The following PDZRN4 variants were observed in gnomAD, a reference collection of about 807,000 sequenced individuals.
The protein encoded by PDZRN4 is PDZ domain containing ring finger 4, also known as PDZ domain-containing RING finger protein 4.
A neutral mutation model predicts 99.0 loss-of-function variants in PDZRN4; 70 were observed. That is an observed-to-expected ratio of 0.71 (90% CI 0.58 to 0.86). The LOEUF is 0.86. Among genes scored for constraint, PDZRN4 ranks in the 40% least tolerant of loss-of-function variants. PDZRN4 has a pLI of 0.00. For missense variants in PDZRN4, 1,474 were observed against 1,331.2 expected (o/e 1.11, Z -1.67); for synonymous variants, 551 against 501.6 (o/e 1.10, Z -1.32).
chr12:41,501,101 T>C (rs1325034186), intron 3 of PDZRN4, among the ~76,000 whole-genome samples: 3 of 152,160 alleles, frequency 2.0e-5, no homozygotes, highest in African/African-American at 7.2e-5. Flanking sequence ...AATTCGGTTA[T>C]ATCAATTGTC....
intron 3 of PDZRN4, among the ~76,000 whole-genome samples, chr12:41,223,037 T>G (rs563816558): frequency 9.8e-4 from 149 of 152,266 alleles, no homozygotes; most frequent in Admixed American, 1.7e-3. Context: ...CAAAAGTAAT[T>G]GCCGTGTTTG....
chr12:41,330,129 TTA>T (rs1951733249), intron 3 of PDZRN4, among the ~76,000 whole-genome samples: 2 of 152,132 alleles, frequency 1.3e-5, no homozygotes, highest in African/African-American at 2.4e-5. Context: ...TTAAAAAATT[TTA>T]TGTTACTTTT....
intron 3 of PDZRN4, among the ~76,000 whole-genome samples, chr12:41,417,798 A>G (rs970650627): frequency 5.3e-5 from 8 of 152,208 alleles, no homozygotes; most frequent in Non-Finnish European, 7.3e-5. Context: ...TGGCAAGACT[A>G]TACAGTGTAT....
At chr12:41,344,558 AAAC>A (rs1205146292) in intron 3 of PDZRN4, among the ~76,000 whole-genome samples, 1 of 151,918 alleles carries the variant, frequency 6.6e-6, no homozygotes, top group Non-Finnish European at 1.5e-5. Flanking sequence ...AAAAAAGAAA[AAAC>A]AACTTTCTTG....
Position 41,567,857 on chromosome 12 carries a change from G to C in PDZRN4, c.1542G>C (p.Glu514Asp). Reference protein sequence around the residue: ...EELNLEMLEEEHNEAMQPTAN... With the variant: ...EELNLEMLEEDHNEAMQPTAN... Reference sequence around the variant, plus strand: ...TAAACTTGGAGATGTTGGAAGAAGAGCATAATGAAGCAATGCAGCCCACTG... The same window carrying C: ...TAAACTTGGAGATGTTGGAAGAAGACCATAATGAAGCAATGCAGCCCACTG... Residue 514 changes from glutamate to aspartate, a missense_variant, in exon 9 of 10, where the codon GAG (glutamate) becomes GAC (aspartate). By Grantham distance (45) the Glu-to-Asp change is conservative. Coordinates refer to ENST00000402685, the MANE Select transcript of PDZRN4 (RefSeq NM_001164595.2). 3.7e-6 allele frequency: 6 copies of C among 1,613,314 alleles called. No individual in the cohort carries two copies. The highest frequency in any genetic ancestry group is 5.1e-6 in the Non-Finnish European group (6 of 1,179,452).
At chr12:41,525,607 C>T (rs984369016) in intron 5 of PDZRN4, among the ~76,000 whole-genome samples, 1 of 151,974 alleles carries the variant, frequency 6.6e-6, no homozygotes, top group East Asian at 1.9e-4. Flanking sequence ...TAGGTATAGA[C>T]AGATCTACGT....
chr12:41,419,363 CA>C (rs1459681522), intron 3 of PDZRN4, among the ~76,000 whole-genome samples: 75 of 152,236 alleles, frequency 4.9e-4, no homozygotes, highest in Non-Finnish European at 2.9e-5. Flanking sequence ...ACTTGGGATC[CA>C]TGCAGACAAT....
intron 3 of PDZRN4, among the ~76,000 whole-genome samples, chr12:41,387,833 A>T (rs10785261): frequency 0.53 from 79,983 of 152,070 alleles, 21,812 homozygotes; most frequent in African/African-American, 0.7. Flanking sequence ...ACGGTGTTGG[A>T]GTAAATTAGT....
intron 3 of PDZRN4, among the ~76,000 whole-genome samples, chr12:41,438,975 C>T (rs1169575786): frequency 1.3e-5 from 2 of 152,170 alleles, no homozygotes; most frequent in African/African-American, 2.4e-5. Flanking sequence ...ACAGCAGTAG[C>T]CAAGTGCCCA....
At chr12:41,549,007 A>G (rs1939009043) in intron 5 of PDZRN4, among the ~76,000 whole-genome samples, 1 of 152,188 alleles carries the variant, frequency 6.6e-6, no homozygotes, top group African/African-American at 2.4e-5. Flanking sequence ...TCCCCAGAAT[A>G]GCACGTCTTG....
chr12:41,266,310 C>CAAAAAAAAAAAAAAAA (rs777855203), intron 3 of PDZRN4, among the ~76,000 whole-genome samples: 1 of 11,678 alleles, frequency 8.6e-5, no homozygotes, highest in African/African-American at 4.9e-4. Context: ...GACTCCGTCT[C>CAAAAAAAAAAAAAAAA]AAAAAAAAAA....
intron 3 of PDZRN4, among the ~76,000 whole-genome samples, chr12:41,494,959 G>A (rs1937967765): frequency 6.6e-6 from 1 of 152,054 alleles, no homozygotes; most frequent in Non-Finnish European, 1.5e-5. Context: ...TAAAAATGCT[G>A]GTATTGAAAG....
At chr12:41,530,223 A>C (rs1175088446) in intron 5 of PDZRN4, among the ~76,000 whole-genome samples, 5 of 152,214 alleles carry the variant, frequency 3.3e-5, no homozygotes, top group African/African-American at 1.2e-4. Context: ...TGATCATGAC[A>C]TTGCAGTTCT....
chr12:41,397,684 G>A (rs1275198885), intron 3 of PDZRN4, among the ~76,000 whole-genome samples: 1 of 151,984 alleles, frequency 6.6e-6, no homozygotes, highest in Non-Finnish European at 1.5e-5. Flanking sequence ...TGTTTTCTGG[G>A]TTACTCTTAC....
intron 5 of PDZRN4, among the ~76,000 whole-genome samples, chr12:41,548,749 A>AT (rs1225674892): frequency 6.6e-6 from 1 of 151,982 alleles, no homozygotes; most frequent in Non-Finnish European, 1.5e-5. Flanking sequence ...TCTAGAAAGC[A>AT]TTTTTTTTCT....
intron 3 of PDZRN4, among the ~76,000 whole-genome samples, chr12:41,310,079 C>T (rs1294593449): frequency 2.0e-5 from 3 of 152,036 alleles, no homozygotes; most frequent in Non-Finnish European, 4.4e-5. Flanking sequence ...ACTACAGGTA[C>T]ATACCACCAC....
At chr12:41,550,078 G>A (rs1159175474) in intron 5 of PDZRN4, among the ~76,000 whole-genome samples, 1 of 152,170 alleles carries the variant, frequency 6.6e-6, no homozygotes. Flanking sequence ...AAGAATTATA[G>A]GCAGATTGTG....
chr12:41,513,924 C>G (rs1171807572), intron 5 of PDZRN4, among the ~76,000 whole-genome samples: 1 of 152,028 alleles, frequency 6.6e-6, no homozygotes, highest in African/African-American at 2.4e-5. Flanking sequence ...TATAAAACAT[C>G]ATGTTAGTCA....
At chr12:41,491,709 C>A (rs1340073984) in intron 3 of PDZRN4, among the ~76,000 whole-genome samples, 2 of 152,028 alleles carry the variant, frequency 1.3e-5, no homozygotes, top group African/African-American at 4.8e-5. Flanking sequence ...TTTTTAGGAT[C>A]ATTGTCTTTA....
Sources: allele counts gnomAD v4.1 joint callset (sites outside exome capture counted in the v4.1 genomes callset), GRCh38; gene constraint gnomAD v4.1.1; transcripts MANE v1.5; gene names NCBI Gene and HGNC (gene_info 2026-07-23, HGNC 2026-07-21).